LRP1B: variants seen among roughly 807,000 people sequenced by gnomAD.
LRP1B encodes the protein LDL receptor related protein 1B.
In LRP1B, 217 loss-of-function variants were observed where a neutral mutation model predicts 556.6. The ratio of observed to expected loss-of-function variants is 0.39; its 90% CI spans 0.35 to 0.44. LRP1B has a LOEUF of 0.44. Among genes scored for constraint, LRP1B ranks in the 20% least tolerant of loss-of-function variants. The pLI is 1.00. For synonymous variants in LRP1B, 2,047 were observed against 1,865.8 expected (o/e 1.10, Z -2.50); for missense variants, 5,053 against 5,620.8 (o/e 0.90, Z 3.23).
At chr2:142,070,946 G>T (rs1705290592) in intron 1 of LRP1B, among the ~76,000 whole-genome samples, 1 of 151,874 alleles carries the variant, frequency 6.6e-6, no homozygotes, top group African/African-American at 2.4e-5. Flanking sequence ...GTCTTGTCAT[G>T]CATCCTCTTT....
chr2:140,366,437 C>A (rs1220470557), intron 71 of LRP1B, among the ~76,000 whole-genome samples: 1 of 151,602 alleles, frequency 6.6e-6, no homozygotes, highest in Non-Finnish European at 1.5e-5. Flanking sequence ...TGATGTCGAG[C>A]AAGCTGGTGG....
intron 49 of LRP1B, among the ~76,000 whole-genome samples, chr2:140,518,656 G>T (rs1212296564): frequency 6.6e-6 from 1 of 152,128 alleles, no homozygotes; most frequent in Non-Finnish European, 1.5e-5. Flanking sequence ...CACATCCCTT[G>T]TAAGTTGGAT....
chr2:140,601,185 C>T (rs1192507576), intron 42 of LRP1B, among the ~76,000 whole-genome samples: 8 of 150,378 alleles, frequency 5.3e-5, no homozygotes, highest in Admixed American at 6.6e-5. Flanking sequence ...TAGGCCTTTT[C>T]CAGCATGGTA....
At chr2:142,028,742 C>G (rs563258465) in intron 1 of LRP1B, among the ~76,000 whole-genome samples, 1 of 151,946 alleles carries the variant, frequency 6.6e-6, no homozygotes, top group African/African-American at 2.4e-5. Context: ...AAAGTGTCAA[C>G]TATTTTCCAA....
rs1257498140 is a variant in LRP1B at position 141,368,274 on chromosome 2, G to C, written c.343+112122C>G. On this transcript the variant is annotated intron_variant, in intron 3 of 90. Coordinates refer to ENST00000389484, the MANE Select transcript of LRP1B (RefSeq NM_018557.3). ...ATCTGGGAATAATTTGTGAATGTCTGAGATGTGGGAATTTATATGTGATTT... is the reference window on the plus strand; with the variant it reads ...ATCTGGGAATAATTTGTGAATGTCTCAGATGTGGGAATTTATATGTGATTT... 3.3e-5 allele frequency among the ~76,000 whole-genome samples: 5 copies of C among 152,158 alleles called. No homozygotes were observed. The East Asian group carries it at 7.7e-4, about 23-fold the overall frequency.
intron 1 of LRP1B, among the ~76,000 whole-genome samples, chr2:141,868,516 A>G (rs575915535): frequency 6.6e-6 from 1 of 152,286 alleles, no homozygotes; most frequent in Admixed American, 6.5e-5. Context: ...GTAACAGACA[A>G]CAGAAACTTA....
chr2:140,541,743 A>G (rs932731133), intron 44 of LRP1B, 36 bp downstream of exon 44: 2 of 1,495,840 alleles, frequency 1.3e-6, no homozygotes, highest in Non-Finnish European at 1.8e-6. Flanking sequence ...GAGATTATAC[A>G]ATGAAAAAAC....
intron 7 of LRP1B, among the ~76,000 whole-genome samples, chr2:141,177,622 A>T (rs1680792300): frequency 6.6e-6 from 1 of 152,156 alleles, no homozygotes; most frequent in African/African-American, 2.4e-5. Context: ...CTTGGGCAAG[A>T]TATTACAAAA....
intron 2 of LRP1B, among the ~76,000 whole-genome samples, chr2:141,511,783 G>C (rs1480119674): frequency 6.6e-6 from 1 of 152,166 alleles, no homozygotes; most frequent in African/African-American, 2.4e-5. Context: ...TCAGTCAAAA[G>C]AATGGCTTTA....
Position 142,047,295 on chromosome 2 carries a change from T to C in LRP1B, c.82+83353A>G, listed in dbSNP as rs551830001. 8.5e-5 allele frequency among the ~76,000 whole-genome samples: 13 copies of C among 152,086 alleles called. No homozygotes were observed. The South Asian group carries it at 2.7e-3, about 31-fold the overall frequency. On this transcript the variant is annotated intron_variant, in intron 1 of 90. Transcript: ENST00000389484. ...GGATTACCACTGTTTAAACAAACTG[T>C]CTTTGCTTGTTCCCATGTGTAGTCA...
intron 35 of LRP1B, among the ~76,000 whole-genome samples, chr2:140,764,413 G>A (rs1689030878): frequency 6.6e-6 from 1 of 152,034 alleles, no homozygotes; most frequent in Non-Finnish European, 1.5e-5. Context: ...ATTAGTATAT[G>A]GCCCCTTGAT....
intron 3 of LRP1B, among the ~76,000 whole-genome samples, chr2:141,310,122 AAAC>A (rs2105447267): frequency 6.6e-6 from 1 of 152,340 alleles, no homozygotes; most frequent in African/African-American, 2.4e-5. Context: ...ATAGGTAGAC[AAAC>A]AACTAAGTAC....
At chr2:140,807,376 T>C (rs950817863) in intron 32 of LRP1B, among the ~76,000 whole-genome samples, 6 of 152,068 alleles carry the variant, frequency 3.9e-5, no homozygotes, top group Non-Finnish European at 8.8e-5. Context: ...AGTCTCACTC[T>C]ATCACCCAGG....
intron 83 of LRP1B, among the ~76,000 whole-genome samples, chr2:140,312,967 C>T (rs1684374157): frequency 6.6e-6 from 1 of 151,852 alleles, no homozygotes; most frequent in African/African-American, 2.4e-5. Context: ...TATATAGTGT[C>T]CACACAGGAA....
chr2:141,199,537 G>A (rs1222870990), intron 6 of LRP1B, among the ~76,000 whole-genome samples: 1 of 151,938 alleles, frequency 6.6e-6, no homozygotes, highest in African/African-American at 2.4e-5. Context: ...TTCTAATATT[G>A]TCTTTGCTCA....
At chr2:141,390,683 G>C (rs1022611340) in intron 3 of LRP1B, among the ~76,000 whole-genome samples, 1 of 152,112 alleles carries the variant, frequency 6.6e-6, no homozygotes, top group African/African-American at 2.4e-5. Flanking sequence ...CAGACACAAA[G>C]GTCACATATT....
chr2:141,740,223 C>T (rs1165054643), intron 2 of LRP1B, among the ~76,000 whole-genome samples: 3 of 152,044 alleles, frequency 2.0e-5, no homozygotes, highest in Non-Finnish European at 4.4e-5. Flanking sequence ...ATAAATTCTC[C>T]TGTGTAATCT....
At chr2:141,766,135 T>G (rs2105605361) in intron 2 of LRP1B, among the ~76,000 whole-genome samples, 1 of 152,262 alleles carries the variant, frequency 6.6e-6, no homozygotes, top group Non-Finnish European at 1.5e-5. Context: ...TTTTTAAGAA[T>G]AGAAAGGATT....
chr2:141,824,952 C>G (rs1696873978), intron 1 of LRP1B, among the ~76,000 whole-genome samples: 1 of 152,144 alleles, frequency 6.6e-6, no homozygotes, highest in Non-Finnish European at 1.5e-5. Context: ...GGAGTTCTCA[C>G]AAGATCCGAT....
Sources: allele counts gnomAD v4.1 joint callset (sites outside exome capture counted in the v4.1 genomes callset), GRCh38; gene constraint gnomAD v4.1.1; transcripts MANE v1.5; gene names NCBI Gene and HGNC (gene_info 2026-07-23, HGNC 2026-07-21).